Variants in ARHGEF3 observed in about 807,000 individuals in gnomAD.
ARHGEF3 encodes Rho guanine nucleotide exchange factor 3, also known as 59.8 kDA protein.
A neutral mutation model predicts 63.2 loss-of-function variants in ARHGEF3; 28 were observed. The observed-to-expected ratio is 0.44, with a 90% CI of 0.33 to 0.61. The LOEUF (loss-of-function observed/expected upper bound fraction) is 0.61. Among genes scored for constraint, ARHGEF3 ranks in the 20% least tolerant of loss-of-function variants. The pLI, the probability that ARHGEF3 is intolerant of heterozygous loss-of-function variation, is 0.03. For missense variants in ARHGEF3, 533 were observed against 659.3 expected, an observed-to-expected ratio of 0.81 and a Z score of 2.10; for synonymous variants, 266 against 254.2, an observed-to-expected ratio of 1.05 and a Z score of -0.44.
At chr3:56,866,694 G>A (rs1026154575) in intron 4 of ARHGEF3, among the ~76,000 whole-genome samples, 3 of 152,152 alleles carry the variant, frequency 2.0e-5, no homozygotes, top group Non-Finnish European at 4.4e-5. Context: ...CCACAAGTTT[G>A]GATAAACAAG....
At chr3:57,041,748 A>G (rs1560155119) in intron 1 of ARHGEF3, among the ~76,000 whole-genome samples, 1 of 152,134 alleles carries the variant, frequency 6.6e-6, no homozygotes, top group African/African-American at 2.4e-5. Context: ...GTTGTCCTCC[A>G]GGCTTTTATC....
chr3:56,997,440 A>G (rs1246477138), intron 2 of ARHGEF3, among the ~76,000 whole-genome samples: 1 of 152,058 alleles, frequency 6.6e-6, no homozygotes, highest in Non-Finnish European at 1.5e-5. Flanking sequence ...TGGTATCAAG[A>G]GGAAGATGGC....
intron 4 of ARHGEF3, among the ~76,000 whole-genome samples, chr3:56,836,271 ATAAG>A (rs1559980151): frequency 6.6e-6 from 1 of 152,242 alleles, no homozygotes; most frequent in African/African-American, 2.4e-5. Flanking sequence ...CAGCATTAGC[ATAAG>A]TGTTTCAGGA....
chr3:56,991,230 T>G (rs1007676689), intron 2 of ARHGEF3, among the ~76,000 whole-genome samples: 2 of 152,112 alleles, frequency 1.3e-5, no homozygotes, highest in Admixed American at 6.6e-5. Flanking sequence ...TTTCCTGTAT[T>G]AATACCCTGG....
chr3:57,067,023 A>C (rs994131398), intron 1 of ARHGEF3, among the ~76,000 whole-genome samples: 1 of 152,200 alleles, frequency 6.6e-6, no homozygotes, highest in Non-Finnish European at 1.5e-5. Context: ...CCAAACCCTA[A>C]TACACACCCA....
intron 8 of ARHGEF3, among the ~76,000 whole-genome samples, chr3:56,733,327 G>T (rs1403464790): frequency 2.1e-5 from 1 of 48,120 alleles, no homozygotes; most frequent in Non-Finnish European, 5.0e-5. Context: ...CGAGGTGGGC[G>T]GGGCGGGGGG....
intron 1 of ARHGEF3, among the ~76,000 whole-genome samples, chr3:57,067,925 G>C (rs1705652689): frequency 6.6e-6 from 1 of 152,012 alleles, no homozygotes; most frequent in African/African-American, 2.4e-5. Flanking sequence ...GGGAGGCAGA[G>C]CTTGCAGTGA....
intron 2 of ARHGEF3, among the ~76,000 whole-genome samples, chr3:56,980,653 T>C (rs1472688242): frequency 1.6e-4 from 24 of 152,262 alleles, no homozygotes; most frequent in Admixed American, 1.6e-3. Context: ...CTCTGTCTCC[T>C]ATTAGCCCAT....
intron 2 of ARHGEF3, among the ~76,000 whole-genome samples, chr3:57,033,206 G>A (rs1212998016): frequency 6.6e-6 from 1 of 152,134 alleles, no homozygotes; most frequent in Non-Finnish European, 1.5e-5. Context: ...AGACCTTACA[G>A]GCATACACAG....
chr3:57,053,686 C>A (rs1178255603), intron 1 of ARHGEF3, among the ~76,000 whole-genome samples: 1 of 152,184 alleles, frequency 6.6e-6, no homozygotes, highest in African/African-American at 2.4e-5. Context: ...CCAAAGGTAA[C>A]TGCTATCTTG....
intron 4 of ARHGEF3, among the ~76,000 whole-genome samples, chr3:56,843,892 T>C (rs13063588): frequency 0.28 from 42,550 of 152,128 alleles, 6,820 homozygotes; most frequent in Non-Finnish European, 0.36. Flanking sequence ...GCATTAGTTC[T>C]GTAATTCCCA....
chr3:56,793,782 A>AT (rs1037159623), intron 1 of ARHGEF3, among the ~76,000 whole-genome samples: 28 of 152,264 alleles, frequency 1.8e-4, no homozygotes, highest in African/African-American at 6.0e-4. Flanking sequence ...ATCTTAGGGT[A>AT]TTTTTTAAAT....
At chr3:56,794,148 G>C (rs554407716) in intron 1 of ARHGEF3, among the ~76,000 whole-genome samples, 1 of 152,280 alleles carries the variant, frequency 6.6e-6, no homozygotes, top group South Asian at 2.1e-4. Context: ...TGGGAGAGGT[G>C]CAGAGAGAGA....
At chr3:57,016,144 C>T (rs1357866103) in intron 2 of ARHGEF3, among the ~76,000 whole-genome samples, 1 of 152,158 alleles carries the variant, frequency 6.6e-6, no homozygotes, top group Non-Finnish European at 1.5e-5. Context: ...TGAAATCCAC[C>T]TTCCAATCCA....
intron 7 of ARHGEF3, among the ~76,000 whole-genome samples, chr3:56,744,780 C>T (rs973323181): frequency 2.0e-5 from 3 of 152,074 alleles, no homozygotes; most frequent in African/African-American, 4.8e-5. Flanking sequence ...CCACTGTAAT[C>T]GGGGGCTAAA....
At chr3:56,882,508 CTTTT>C (rs397989726) in intron 3 of ARHGEF3, among the ~76,000 whole-genome samples, 53 of 84,348 alleles carry the variant, frequency 6.3e-4, no homozygotes, top group Middle Eastern at 6.8e-3. Flanking sequence ...ATGAACACTT[CTTTT>C]TTTTTTTTTT....
chr3:56,936,235 A>G (rs1235454277), intron 3 of ARHGEF3, among the ~76,000 whole-genome samples: 1 of 152,170 alleles, frequency 6.6e-6, no homozygotes, highest in Non-Finnish European at 1.5e-5. Context: ...AGTGCCACAT[A>G]CAAGGAGGAG....
intron 4 of ARHGEF3, among the ~76,000 whole-genome samples, chr3:56,845,241 C>T (rs2039448981): frequency 6.6e-6 from 1 of 152,236 alleles, no homozygotes; most frequent in Admixed American, 6.5e-5. Context: ...TTGTCAGACC[C>T]TGAAGTAGTA....
At chr3:56,739,265 T>C (rs1241796714) in intron 7 of ARHGEF3, among the ~76,000 whole-genome samples, 1 of 152,096 alleles carries the variant, frequency 6.6e-6, no homozygotes, top group Admixed American at 6.6e-5. Context: ...TTCGTCACAT[T>C]TACTTAAAAG....
Sources: gnomAD v4.1 joint callset for allele counts (sites outside exome capture counted in the v4.1 genomes callset) on GRCh38, gnomAD v4.1.1 for gene constraint, MANE v1.5 for transcripts, NCBI Gene and HGNC (gene_info 2026-07-23, HGNC 2026-07-21) for gene names.